Variants in NTM observed in about 807,000 individuals in gnomAD.
The protein encoded by NTM is IgLON family member 2.
NTM carries 13 observed loss-of-function variants against 42.1 expected under a neutral mutation model. That is an observed-to-expected ratio of 0.31 (90% confidence interval 0.20 to 0.49). The LOEUF is 0.49. Ranked by LOEUF, NTM falls within the 20% of genes least tolerant of loss-of-function variation. The probability of loss-of-function intolerance (pLI) is 0.99; values close to 1 mark genes in which losing one functional copy is unlikely to be tolerated. For missense variants in NTM, 373 were observed against 452.8 expected (o/e 0.82, Z 1.60); for synonymous variants, 187 against 179.2 (o/e 1.04, Z -0.35).
chr11:131,747,730 C>A (rs548631095), intron 1 of NTM, among the ~76,000 whole-genome samples: 1 of 152,310 alleles, frequency 6.6e-6, no homozygotes, highest in African/African-American at 2.4e-5. Flanking sequence ...CCAGTCCTGC[C>A]TCTCACTGGA....
chr11:131,527,266 C>T (rs1335053194), intron 1 of NTM, among the ~76,000 whole-genome samples: 2 of 152,190 alleles, frequency 1.3e-5, no homozygotes, highest in South Asian at 2.1e-4. Context: ...CTGATGCCCT[C>T]ATTCCCTACA....
At chr11:131,564,946 C>T (rs1396338893) in intron 1 of NTM, among the ~76,000 whole-genome samples, 3 of 152,246 alleles carry the variant, frequency 2.0e-5, no homozygotes, top group African/African-American at 4.8e-5. Flanking sequence ...CTGCCCAGGC[C>T]GCAAAGCCCT....
chr11:131,826,018 G>A (rs2042088741), intron 1 of NTM, among the ~76,000 whole-genome samples: 1 of 152,164 alleles, frequency 6.6e-6, no homozygotes, highest in Non-Finnish European at 1.5e-5. Flanking sequence ...AGAATAAAAT[G>A]TCTTGGGGAG....
At chr11:131,503,527 A>ATTTTTTTT (rs34452341) in intron 1 of NTM, among the ~76,000 whole-genome samples, 1 of 146,082 alleles carries the variant, frequency 6.8e-6, no homozygotes, top group Non-Finnish European at 1.5e-5. Context: ...TGAGGTTACA[A>ATTTTTTTT]TTTTTTTTTT....
chr11:131,709,270 T>C (rs1271443143), intron 1 of NTM, among the ~76,000 whole-genome samples: 2 of 152,056 alleles, frequency 1.3e-5, no homozygotes, highest in Non-Finnish European at 2.9e-5. Flanking sequence ...AGGAAATCTA[T>C]TGGCAGCTTC....
At chr11:131,585,561 T>G (rs992037252) in intron 1 of NTM, among the ~76,000 whole-genome samples, 3 of 152,170 alleles carry the variant, frequency 2.0e-5, no homozygotes, top group African/African-American at 7.2e-5. Flanking sequence ...CAGTTGTGAG[T>G]GCAGACGGTG....
In NTM at chr11:131,564,723, G is replaced by A. The variant is rs147393592; in HGVS notation, c.82+193835G>A. ...TTTTAATTTCTTATGGCAAGAGCAC[G>A]TACCATGAGATCTAGCCCCTTAACA... is the stretch of plus-strand genomic sequence containing the variant. On this transcript the variant is annotated intron_variant, in intron 1 of 8. Transcript: ENST00000683400. Among the ~76,000 whole-genome samples the A allele has an allele frequency of 2.0e-3, 299 of 152,160 alleles. 1 individual carries two copies. The highest frequency in any genetic ancestry group is 6.8e-3 in the African/African-American group (283 of 41,516).
At chr11:132,249,826 C>T (rs555581547) in intron 4 of NTM, among the ~76,000 whole-genome samples, 10 of 152,322 alleles carry the variant, frequency 6.6e-5, no homozygotes, top group Admixed American at 2.0e-4. Context: ...ACCTTCCCCC[C>T]GATAATCCAA....
intron 1 of NTM, among the ~76,000 whole-genome samples, chr11:131,400,168 G>C (rs895838612): frequency 2.0e-5 from 3 of 152,056 alleles, no homozygotes; most frequent in Non-Finnish European, 4.4e-5. Flanking sequence ...GAGAACATTG[G>C]AGGATGACAA....
chr11:131,556,023 C>A (rs370773134), intron 1 of NTM, among the ~76,000 whole-genome samples: 2 of 152,080 alleles, frequency 1.3e-5, no homozygotes, highest in East Asian at 3.9e-4. Flanking sequence ...AAGTTTCTTG[C>A]GTTTGCCAGA....
At chr11:132,006,945 A>C (rs1196301845) in intron 2 of NTM, among the ~76,000 whole-genome samples, 1 of 152,188 alleles carries the variant, frequency 6.6e-6, no homozygotes, top group Non-Finnish European at 1.5e-5. Flanking sequence ...GGCAGCTACA[A>C]ATGACGTGTG....
intron 1 of NTM, among the ~76,000 whole-genome samples, chr11:131,884,444 A>G (rs1252631014): frequency 6.6e-6 from 1 of 152,180 alleles, no homozygotes; most frequent in African/African-American, 2.4e-5. Flanking sequence ...AAGAAACAGC[A>G]ACACTAAAAA....
At chr11:131,768,267 C>T (rs902196687) in intron 1 of NTM, among the ~76,000 whole-genome samples, 6 of 151,776 alleles carry the variant, frequency 4.0e-5, no homozygotes, top group Non-Finnish European at 7.4e-5. Flanking sequence ...TATAGGCATG[C>T]GCCACCATGC....
At chr11:132,001,971 G>A (rs1447013703) in intron 2 of NTM, among the ~76,000 whole-genome samples, 1 of 152,102 alleles carries the variant, frequency 6.6e-6, no homozygotes, top group East Asian at 1.9e-4. Flanking sequence ...AAGGAGAATG[G>A]GTAAGATATG....
At chr11:131,384,728 G>A (rs55836968) in intron 1 of NTM, among the ~76,000 whole-genome samples, 3 of 152,142 alleles carry the variant, frequency 2.0e-5, no homozygotes, top group Non-Finnish European at 4.4e-5. Flanking sequence ...AAAAGAAGAA[G>A]AAAGACTGCT....
At chr11:132,310,091 T>G (rs2095237044) in intron 5 of NTM, 21 bp from the exon 6 acceptor site, 1 of 1,559,306 alleles carries the variant, frequency 6.4e-7, no homozygotes, top group Non-Finnish European at 8.6e-7. Context: ...GGGGCGGCTA[T>G]GAGACATCTT....
At chr11:131,992,370 T>G (rs181322554) in intron 2 of NTM, among the ~76,000 whole-genome samples, 1 of 152,222 alleles carries the variant, frequency 6.6e-6, no homozygotes, top group East Asian at 1.9e-4. Flanking sequence ...AACAATTGGC[T>G]GTAATAATTT....
intron 2 of NTM, among the ~76,000 whole-genome samples, chr11:132,069,163 G>A (rs1317696627): frequency 2.0e-5 from 3 of 150,042 alleles, no homozygotes; most frequent in African/African-American, 7.4e-5. Flanking sequence ...ACCATCACAG[G>A]TTAGTTAACA....
intron 2 of NTM, among the ~76,000 whole-genome samples, chr11:131,940,762 A>G (rs2059707748): frequency 6.6e-6 from 1 of 152,214 alleles, no homozygotes; most frequent in African/African-American, 2.4e-5. Context: ...TGCCCAGCCA[A>G]TATTCAGTGC....
Sources: gnomAD v4.1 joint callset for allele counts (sites outside exome capture counted in the v4.1 genomes callset) on GRCh38, gnomAD v4.1.1 for gene constraint, MANE v1.5 for transcripts, NCBI Gene and HGNC (gene_info 2026-07-23, HGNC 2026-07-21) for gene names.